Variants in NCKAP5 observed in about 807,000 individuals in gnomAD.
NCKAP5 encodes nck-associated protein 5.
NCKAP5 carries 92 observed loss-of-function variants against 167.0 expected under a neutral mutation model. The ratio of observed to expected loss-of-function variants is 0.55; its 90% CI spans 0.47 to 0.66. The LOEUF (loss-of-function observed/expected upper bound fraction) is 0.66. NCKAP5 is among the 30% of genes least tolerant of loss of function. The pLI, the probability that NCKAP5 is intolerant of heterozygous loss-of-function variation, is 0.00. For synonymous variants in NCKAP5, 891 were observed against 877.4 expected (o/e 1.02, Z -0.27); for missense variants, 2,378 against 2,315.0 (o/e 1.03, Z -0.56).
rs1472555549 is a variant in NCKAP5, at chr2:132,783,508, C to G, written c.3303G>C (p.Lys1101Asn). Residue 1101 changes from lysine (K) to asparagine (N), a missense_variant, in exon 14 of 20, where the codon AAG becomes AAC. Physicochemically the swap from Lys to Asn is moderately conservative, Grantham distance 94. Coordinates refer to ENST00000409261, the MANE Select transcript of NCKAP5 (RefSeq NM_207363.3). ...ACTCATTTACCCCTAAGAAGGAAGG[C>G]TTGGGGGGTGTGGAGGCGCTATCAT... Reference protein sequence around the residue: ...QLNDSASTPPKPSFLGVNESP... With the variant: ...QLNDSASTPPNPSFLGVNESP... 6.2e-7 allele frequency: 1 copy of G among 1,611,378 alleles called. No individual in the cohort carries two copies. The highest frequency in any genetic ancestry group is 8.5e-7 in the Non-Finnish European group (1 of 1,178,656).
At chr2:132,693,021 C>A (rs975336169) in intron 19 of NCKAP5, among the ~76,000 whole-genome samples, 1 of 152,200 alleles carries the variant, frequency 6.6e-6, no homozygotes, top group African/African-American at 2.4e-5. Flanking sequence ...GGCCTACCAA[C>A]TATTTCTTTT....
intron 3 of NCKAP5, among the ~76,000 whole-genome samples, chr2:133,403,519 T>C (rs1175752624): frequency 3.3e-5 from 5 of 152,216 alleles, no homozygotes; most frequent in African/African-American, 1.2e-4. Flanking sequence ...ACAAGACTCA[T>C]GGTTCAAGAT....
chr2:132,800,401 A>G (rs556008793), intron 11 of NCKAP5, among the ~76,000 whole-genome samples: 1 of 152,336 alleles, frequency 6.6e-6, no homozygotes, highest in East Asian at 1.9e-4. Flanking sequence ...AGGACTACTC[A>G]GTATAGGTTT....
In NCKAP5 at chr2:133,127,689, C is replaced by G. The variant is rs537714022; in HGVS notation, c.341+2289G>C. The stretch of plus-strand genomic sequence containing the variant: ...TCTCAATTAGACAGTGCAAAGAGAG[C>G]AAGATCTGCCTCCTCCTATCCTGTG... On this transcript the variant is annotated intron_variant, in intron 6 of 19. Coordinates refer to ENST00000409261, the MANE Select transcript of NCKAP5 (RefSeq NM_207363.3). Among the ~76,000 whole-genome samples the G allele has an allele frequency of 2.0e-5, 3 of 152,280 alleles. No homozygotes were observed. The East Asian group carries it at 5.8e-4, about 29-fold the overall frequency.
At chr2:133,509,816 C>T (rs72846397) in intron 3 of NCKAP5, among the ~76,000 whole-genome samples, 3 of 152,210 alleles carry the variant, frequency 2.0e-5, no homozygotes, top group East Asian at 3.9e-4. Context: ...TCCAAACTGT[C>T]GATAGTGTCG....
intron 4 of NCKAP5, among the ~76,000 whole-genome samples, chr2:133,217,902 T>C (rs2086500236): frequency 6.6e-6 from 1 of 152,108 alleles, no homozygotes; most frequent in South Asian, 2.1e-4. Flanking sequence ...TTTACATACA[T>C]TCTAAAATTA....
Position 133,492,144 on chromosome 2 carries a change from A to AGTGTGTGTGTGTGTGTGT in NCKAP5, c.69+25296_69+25313dup, listed in dbSNP as rs371797170. ...CCTGTATCCTATGCCATATCTAGTT[A>AGTGTGTGTGTGTGTGTGT]GTGTGTGTGTGTGTGTGTGTGTGTG... On this transcript the variant is annotated intron_variant, in intron 3 of 19. Coordinates refer to ENST00000409261, the MANE Select transcript of NCKAP5 (RefSeq NM_207363.3). Among the ~76,000 whole-genome samples the AGTGTGTGTGTGTGTGTGT allele has an allele frequency of 8.9e-3, 1,265 of 141,640 alleles. 22 individuals are homozygous for AGTGTGTGTGTGTGTGTGT. Among genetic ancestry groups the AGTGTGTGTGTGTGTGTGT allele is most frequent in the African/African-American group, 0.027 (982 of 36,914 alleles). 92.9% of individuals were successfully genotyped at this position (141,640 alleles called of 152,430 possible).
chr2:133,242,795 T>C (rs2087781143), intron 4 of NCKAP5, among the ~76,000 whole-genome samples: 1 of 152,202 alleles, frequency 6.6e-6, no homozygotes, highest in Non-Finnish European at 1.5e-5. Context: ...AAAGTGAATG[T>C]CTATTTCTCC....
At chr2:132,887,364 TTTCC>T (rs1692329299) in intron 8 of NCKAP5, among the ~76,000 whole-genome samples, 1 of 99,056 alleles carries the variant, frequency 1.0e-5, no homozygotes, top group African/African-American at 4.6e-5. Flanking sequence ...TCCATCCATC[TTTCC>T]ATCCATCCAT....
intron 4 of NCKAP5, among the ~76,000 whole-genome samples, chr2:133,239,530 A>G (rs1402623374): frequency 6.6e-6 from 1 of 152,192 alleles, no homozygotes; most frequent in African/African-American, 2.4e-5. Context: ...TCTGTTATAG[A>G]ACTAGACTAT....
chr2:132,991,456 C>T (rs1460727732), intron 7 of NCKAP5, among the ~76,000 whole-genome samples: 1 of 152,288 alleles, frequency 6.6e-6, no homozygotes, highest in Admixed American at 6.5e-5. Flanking sequence ...ACAGAAAACA[C>T]CCATTGTCCT....
chr2:133,561,379 A>T (rs572893328), intron 1 of NCKAP5, among the ~76,000 whole-genome samples: 1 of 152,362 alleles, frequency 6.6e-6, no homozygotes, highest in African/African-American at 2.4e-5. Flanking sequence ...TCAAAGAATA[A>T]GTGGGGAGAA....
intron 3 of NCKAP5, among the ~76,000 whole-genome samples, chr2:133,435,155 G>A (rs1461488471): frequency 6.6e-6 from 1 of 152,138 alleles, no homozygotes; most frequent in Non-Finnish European, 1.5e-5. Context: ...TTATATTCAA[G>A]TGGGGGTTGG....
rs765060896 is a variant in NCKAP5 at position 132,782,994 on chromosome 2, C to G, written c.3817G>C (p.Ala1273Pro). 6.2e-7 allele frequency: 1 copy of G among 1,613,844 alleles called. No homozygotes were observed. Among genetic ancestry groups the G allele is most frequent in the Non-Finnish European group, 8.5e-7 (1 of 1,179,856 alleles). ...KPALGMNGAK[A>P]RSHSFSTHSG... is the part of the protein sequence containing the mutation. ...TGTGTACTGAAGCTGTGGCTGCGGG[C>G]TTTGGCGCCATTCATACCCAGAGCT... The change falls in exon 14 of 20, where the codon GCC becomes CCC. Residue 1273 changes from alanine to proline, a missense_variant. Transcript: ENST00000409261.
chr2:133,596,384 T>C, the NCKAP5 span: 2 of 152,320 alleles, frequency 1.3e-5, no homozygotes, highest in Non-Finnish European at 2.9e-5. Flanking sequence ...CCTCTGTTTT[T>C]AGATGGATCA....
At chr2:133,484,811 A>G (rs1048342946) in intron 3 of NCKAP5, among the ~76,000 whole-genome samples, 2 of 152,150 alleles carry the variant, frequency 1.3e-5, no homozygotes, top group Non-Finnish European at 2.9e-5. Context: ...TAAAATCAAA[A>G]AAAAATTGAA....
rs186342931 is a variant in NCKAP5 at position 132,926,141 on chromosome 2, G to A, written c.579+37579C>T. ...TTACAAGTGAGAAATTGTGGTATTC[G>A]ACGTTCTGTTTCTGTTTCTGAGTTA... On this transcript the variant is annotated intron_variant, in intron 8 of 19. Transcript: ENST00000409261. 8 of 346,330 alleles carry A rather than the reference G, an allele frequency of 2.3e-5. No homozygotes were observed. In the Middle Eastern group the frequency reaches 1.1e-3, roughly 50 times the overall value. 21.5% of individuals were successfully genotyped at this position (346,330 alleles called of 1,614,324 possible). A position where few individuals can be genotyped will look rare whatever the true frequency, so the allele number is the denominator to read the frequency against.
chr2:133,652,708 G>A, the NCKAP5 span, among the ~76,000 whole-genome samples: 80 of 152,330 alleles, frequency 5.3e-4, no homozygotes, highest in Non-Finnish European at 2.1e-4. Context: ...TCGTCTCTCA[G>A]CCTTGGAATC....
At chr2:132,971,776 C>T (rs769527868) in intron 7 of NCKAP5, among the ~76,000 whole-genome samples, 3 of 152,142 alleles carry the variant, frequency 2.0e-5, no homozygotes, top group South Asian at 4.1e-4. Context: ...CCATCAGCCA[C>T]CAGCATCAGA....
Sources: gnomAD v4.1 joint callset for allele counts (sites outside exome capture counted in the v4.1 genomes callset) on GRCh38, gnomAD v4.1.1 for gene constraint, MANE v1.5 for transcripts, NCBI Gene and HGNC (gene_info 2026-07-23, HGNC 2026-07-21) for gene names.